Variants in CDK19 observed in about 807,000 individuals in gnomAD.
CDK19 encodes cyclin-dependent kinase 19.
A neutral mutation model predicts 68.3 loss-of-function variants in CDK19; 20 were observed. That is an observed-to-expected ratio of 0.29 (90% confidence interval 0.21 to 0.43). CDK19 has a LOEUF of 0.43. CDK19 is among the 20% of genes least tolerant of loss of function. The pLI, the probability that CDK19 is intolerant of heterozygous loss-of-function variation, is 1.00. For missense variants in CDK19, 339 were observed against 623.5 expected, an observed-to-expected ratio of 0.54 and a Z score of 4.86; for synonymous variants, 221 against 222.8, an observed-to-expected ratio of 0.99 and a Z score of 0.07.
At chr6:110,637,667 A>G (rs1371172304) in intron 5 of CDK19, among the ~76,000 whole-genome samples, 4 of 152,184 alleles carry the variant, frequency 2.6e-5, no homozygotes, top group Non-Finnish European at 4.4e-5. Context: ...ACTTTCAATA[A>G]ATATAATTTC....
At chr6:110,807,111 G>C (rs1782730323) in intron 1 of CDK19, among the ~76,000 whole-genome samples, 1 of 150,944 alleles carries the variant, frequency 6.6e-6, no homozygotes, top group Non-Finnish European at 1.5e-5. Flanking sequence ...ACCAGACTGA[G>C]AGACATAGCA....
chr6:110,645,728 C>A (rs984416161), intron 4 of CDK19: 2 of 467,074 alleles, frequency 4.3e-6, no homozygotes, highest in South Asian at 2.0e-5. Context: ...CCAACAGAGT[C>A]CCTACAGGTG....
At chr6:110,636,245 T>C (rs1420877801) in intron 5 of CDK19, among the ~76,000 whole-genome samples, 1 of 152,164 alleles carries the variant, frequency 6.6e-6, no homozygotes, top group Admixed American at 6.5e-5. Context: ...GATATCCAAA[T>C]AGAAATAAAG....
In CDK19 at chr6:110,749,813, C is replaced by CCCAGCTCTTCCAATTCT. The variant is rs1554218090; in HGVS notation, c.129-3613_129-3612insAGAATTGGAAGAGCTGG. The stretch of plus-strand genomic sequence containing the variant: ...TTTGAGACAGAGTCTTGCTCTGTTG[C>CCCAGCTCTTCCAATTCT]TCAGGCTGGAGTGCAGTGGCATGAT... On this transcript the variant is annotated intron_variant, in intron 1 of 12. Coordinates refer to ENST00000368911, the MANE Select transcript of CDK19 (RefSeq NM_015076.5). Among the ~76,000 whole-genome samples, 380 of 144,944 alleles carry CCCAGCTCTTCCAATTCT rather than the reference C, an allele frequency of 2.6e-3. 2 individuals carry two copies. The highest frequency in any genetic ancestry group is 5.7e-3 in the East Asian group (26 of 4,554).
chr6:110,632,042 T>C lies in CDK19; in HGVS notation c.634A>G (p.Thr212Ala). ...TAGACCAACTTACCAATGGCCTTTG[T>C]ATAATGCCTTGCACCAAGCAAAAGT... ...PELLLGARHY[T>A]KAIDIWAIGC... Residue 212 changes from threonine to alanine, a missense_variant, in exon 6 of 13, where the codon ACA becomes GCA. Coordinates refer to ENST00000368911, the MANE Select transcript of CDK19 (RefSeq NM_015076.5). 1 of 1,608,952 alleles carries C rather than the reference T, an allele frequency of 6.2e-7. No homozygotes were observed. The highest frequency in any genetic ancestry group is 8.5e-7 in the Non-Finnish European group (1 of 1,176,054).
chr6:110,778,280 GT>G (rs1780553764), intron 1 of CDK19, among the ~76,000 whole-genome samples: 1 of 152,116 alleles, frequency 6.6e-6, no homozygotes, highest in Non-Finnish European at 1.5e-5. Context: ...TTGTCATATA[GT>G]TTTTAAAAAT....
At chr6:110,618,166 C>A (rs949393524) in intron 12 of CDK19, among the ~76,000 whole-genome samples, 6 of 152,126 alleles carry the variant, frequency 3.9e-5, no homozygotes, top group Non-Finnish European at 8.8e-5. Context: ...TGGAGTCTCA[C>A]TCTGTCACCC....
chr6:110,684,726 C>T lies in CDK19; in HGVS notation c.205-14185G>A, dbSNP rs572962963. Reference sequence around the variant, plus strand: ...ATACAATACAACCAAGAGAATATCCCACTGTAACTCAAAATCCACAGATCC... The same window carrying T: ...ATACAATACAACCAAGAGAATATCCTACTGTAACTCAAAATCCACAGATCC... On this transcript the variant is annotated intron_variant, in intron 2 of 12. Coordinates refer to ENST00000368911, the MANE Select transcript of CDK19 (RefSeq NM_015076.5). 1.0e-3 allele frequency among the ~76,000 whole-genome samples: 157 copies of T among 151,894 alleles called. 1 individual carries two copies. The highest frequency in any genetic ancestry group is 1.9e-3 in the Non-Finnish European group (128 of 67,804).
At chr6:110,779,442 T>C (rs759728665) in intron 1 of CDK19, among the ~76,000 whole-genome samples, 1 of 152,170 alleles carries the variant, frequency 6.6e-6, no homozygotes, top group Admixed American at 6.5e-5. Flanking sequence ...TATAATGTAA[T>C]GTGGAGATGT....
chr6:110,682,505 T>G (rs1034498348), intron 2 of CDK19, among the ~76,000 whole-genome samples: 3 of 152,098 alleles, frequency 2.0e-5, no homozygotes, highest in African/African-American at 7.2e-5. Context: ...ACACATGAGA[T>G]TCATCATAAC....
chr6:110,621,228 C>A lies in CDK19; in HGVS notation c.1253G>T (p.Gly418Val). ...TAGGAGAGVG[G>V]TGAGLQHSQD... ...GCTGTGCTGCAACCCTGCTCCGGTGCCCCCGACCCCGGCCCCAGCCCCACC... is the reference window on the plus strand; with the variant it reads ...GCTGTGCTGCAACCCTGCTCCGGTGACCCCGACCCCGGCCCCAGCCCCACC... Residue 418 changes from glycine (G) to valine (V), a missense_variant, in exon 12 of 13, where the codon GGC (glycine) becomes GTC (valine). Physicochemically the swap from Gly to Val is moderately radical, Grantham distance 109 (BLOSUM62 -3). Coordinates refer to ENST00000368911, the MANE Select transcript of CDK19 (RefSeq NM_015076.5). The surrounding 1 kb of genome is among the most constrained non-coding windows in gnomAD (Gnocchi z 5.4). 1 of 1,613,102 alleles carries A rather than the reference C, an allele frequency of 6.2e-7. No homozygotes were observed.
intron 1 of CDK19, among the ~76,000 whole-genome samples, chr6:110,802,106 T>C (rs1032439431): frequency 6.6e-6 from 1 of 152,224 alleles, no homozygotes; most frequent in African/African-American, 2.4e-5. Flanking sequence ...GTTCAGCCCC[T>C]GTGGAAAGCA....
At chr6:110,700,700 T>G (rs1455438238) in intron 2 of CDK19, 3 of 169,182 alleles carry the variant, frequency 1.8e-5, no homozygotes, top group African/African-American at 7.1e-5. Flanking sequence ...AAAGGACCAG[T>G]CTGTATGCCT....
intron 4 of CDK19, among the ~76,000 whole-genome samples, chr6:110,642,302 C>CT (rs1488071320): frequency 9.4e-6 from 1 of 106,942 alleles, no homozygotes; most frequent in African/African-American, 4.2e-5. Flanking sequence ...GAGTGAGACT[C>CT]TGTTTCAAAA....
At chr6:110,751,555 CAAAT>C (rs1778477176) in intron 1 of CDK19, among the ~76,000 whole-genome samples, 1 of 152,064 alleles carries the variant, frequency 6.6e-6, no homozygotes. Flanking sequence ...AATAATAACA[CAAAT>C]AAAGTGCAAA....
intron 2 of CDK19, among the ~76,000 whole-genome samples, chr6:110,696,828 T>TG (rs1773523789): frequency 6.6e-6 from 1 of 151,064 alleles, no homozygotes; most frequent in South Asian, 2.1e-4. Flanking sequence ...AGGCTGAGGG[T>TG]GGGGCGGATC....
intron 1 of CDK19, among the ~76,000 whole-genome samples, chr6:110,810,641 G>C (rs1029137799): frequency 5.9e-5 from 9 of 152,086 alleles, no homozygotes; most frequent in Non-Finnish European, 1.2e-4. Flanking sequence ...AGGCGTGGTG[G>C]TGCATGCCTG....
intron 2 of CDK19, among the ~76,000 whole-genome samples, chr6:110,705,025 AG>A (rs900380575): frequency 2.7e-5 from 4 of 150,560 alleles, no homozygotes; most frequent in African/African-American, 9.7e-5. Context: ...TACAGGTTTA[AG>A]GTGTGAAGAA....
intron 6 of CDK19, among the ~76,000 whole-genome samples, chr6:110,628,179 C>T (rs1779210018): frequency 6.6e-6 from 1 of 152,028 alleles, no homozygotes; most frequent in African/African-American, 2.4e-5. Context: ...CCACCGTACT[C>T]CAGCTTGGGC....
Sources: gnomAD v4.1 joint callset for allele counts (sites outside exome capture counted in the v4.1 genomes callset) on GRCh38, gnomAD v4.1.1 for gene constraint, Gnocchi (gnomAD v3.1) non-coding constraint, MANE v1.5 for transcripts, NCBI Gene and HGNC (gene_info 2026-07-23, HGNC 2026-07-21) for gene names.